Variants in NGF observed in about 807,000 individuals in gnomAD.
The protein encoded by NGF is nerve growth factor.
Under a neutral mutation model 12.8 loss-of-function variants are expected in NGF, and 4 were observed. The ratio of observed to expected loss-of-function variants is 0.31; its 90% CI spans 0.15 to 0.72. NGF has a LOEUF of 0.72. Among genes scored for constraint, NGF ranks in the 30% least tolerant of loss-of-function variants. The probability of loss-of-function intolerance (pLI) is 0.69; values close to 1 mark genes in which losing one functional copy is unlikely to be tolerated. For missense variants in NGF, 283 were observed against 330.8 expected, an observed-to-expected ratio of 0.86 and a Z score of 1.12; for synonymous variants, 140 against 130.0, an observed-to-expected ratio of 1.08 and a Z score of -0.52.
At position 115,286,701 on chromosome 1, in the gene NGF, A is replaced by G; in HGVS notation, c.95T>C (p.Ile32Thr). The G allele has an allele frequency of 6.2e-7, 1 of 1,613,994 alleles. No homozygotes were observed. The highest frequency in any genetic ancestry group is 1.7e-5 in the Admixed American group (1 of 60,014). ...SESNVPAGHT[I>T]PQAHWTKLQH... ...AAGTTTAGTCCAGTGGGCTTGGGGG[A>G]TGGTGTGTCCTGCAGGGACATTGCT... Residue 32 changes from isoleucine (I) to threonine (T), a missense_variant, in exon 3 of 3, where the codon ATC becomes ACC. By Grantham distance (89) the Ile-to-Thr change is moderately conservative. Around this residue, in one of 2 missense-constraint regions of NGF, gnomAD observed 151 missense variants for 141.6 expected, o/e 1.07. Transcript: ENST00000369512.
intron 1 of NGF, among the ~76,000 whole-genome samples, chr1:115,330,444 G>A (rs896447865): frequency 8.5e-5 from 13 of 152,170 alleles, no homozygotes; most frequent in African/African-American, 3.1e-4. Context: ...ACAATAAATG[G>A]TAAAAGAAAA....
rs189590906 is a variant in NGF, at chr1:115,320,861, G to C, written c.-137+17343C>G. ...GCTACTTTCTGCTGTGTGATTATCCGTAGTGTGGCCAATTCCAGGTTAGAA... is the reference window on the plus strand; with the variant it reads ...GCTACTTTCTGCTGTGTGATTATCCCTAGTGTGGCCAATTCCAGGTTAGAA... On this transcript the variant is annotated intron_variant, in intron 1 of 2. Transcript: ENST00000369512. Among the ~76,000 whole-genome samples, 5 of 152,330 alleles carry C rather than the reference G, an allele frequency of 3.3e-5. No homozygotes were observed. The South Asian group carries it at 6.2e-4, about 19-fold the overall frequency.
intron 1 of NGF, among the ~76,000 whole-genome samples, chr1:115,303,812 T>A (rs78216935): frequency 0.014 from 2,165 of 152,276 alleles, 52 homozygotes; most frequent in African/African-American, 0.049. Flanking sequence ...ATCAGTAGAA[T>A]CACCAGAGGC....
chr1:115,338,181 C>G (rs1157767768), intron 1 of NGF, 23 bp downstream of exon 1: 3 of 152,598 alleles, frequency 2.0e-5, no homozygotes, highest in African/African-American at 7.2e-5. Flanking sequence ...CTCTCGGGAT[C>G]GGCTCGGGGC....
chr1:115,334,519 ACTGAGGTCC>A (rs1262784748), intron 1 of NGF, among the ~76,000 whole-genome samples: 3 of 152,106 alleles, frequency 2.0e-5, no homozygotes, highest in Admixed American at 6.5e-5. Context: ...GGACTACAGC[ACTGAGGTCC>A]CTGCCGATGG....
intron 1 of NGF, among the ~76,000 whole-genome samples, chr1:115,299,112 T>A (rs532470627): frequency 2.6e-5 from 4 of 152,350 alleles, no homozygotes; most frequent in Admixed American, 2.6e-4. Context: ...TGATTTGATG[T>A]GTTTAACTAT....
chr1:115,314,915 G>A (rs570985499), intron 1 of NGF, among the ~76,000 whole-genome samples: 1 of 152,330 alleles, frequency 6.6e-6, no homozygotes, highest in South Asian at 2.1e-4. Flanking sequence ...TATAAGTTGA[G>A]GCGCTAGTTT....
intron 1 of NGF, among the ~76,000 whole-genome samples, chr1:115,337,531 A>G (rs1655165003): frequency 1.3e-5 from 2 of 151,274 alleles, no homozygotes; most frequent in Non-Finnish European, 2.9e-5. Context: ...GGCGACCTCT[A>G]CCTGAGGTTG....
At chr1:115,337,314 G>GTTTGTAA (rs1655156208) in intron 1 of NGF, among the ~76,000 whole-genome samples, 1 of 87,484 alleles carries the variant, frequency 1.1e-5, no homozygotes, top group Non-Finnish European at 2.1e-5. Flanking sequence ...TTAGAAGGAG[G>GTTTGTAA]TTTGTAATTA....
At chr1:115,323,551 A>G (rs1557946079) in intron 1 of NGF, among the ~76,000 whole-genome samples, 1 of 152,220 alleles carries the variant, frequency 6.6e-6, no homozygotes, top group East Asian at 1.9e-4. Context: ...CCAGGCAGCT[A>G]TGAGACTACA....
At chr1:115,305,841 T>C (rs930039987) in intron 1 of NGF, among the ~76,000 whole-genome samples, 2 of 152,232 alleles carry the variant, frequency 1.3e-5, no homozygotes, top group East Asian at 3.9e-4. Flanking sequence ...GACTTACTCT[T>C]AATTCTGAGA....
At position 115,304,019 on chromosome 1, in the gene NGF, TTTTTC is replaced by T. The variant is rs201056042; in HGVS notation, c.-136-10274_-136-10270del. Among the ~76,000 whole-genome samples the T allele has an allele frequency of 6.8e-3, 1,035 of 152,264 alleles. 12 individuals carry two copies. Among genetic ancestry groups the T allele is most frequent in the African/African-American group, 0.024 (1,000 of 41,540 alleles). On this transcript the variant is annotated intron_variant, in intron 1 of 2. Transcript: ENST00000369512. ...TTTTTTTCCTTTCTTTCTCCTGAGA[TTTTTC>T]TTTTCTTTTGTCAGCTTTGTGTTTC...
intron 2 of NGF, among the ~76,000 whole-genome samples, chr1:115,288,251 A>T (rs187097292): frequency 5.3e-4 from 81 of 152,294 alleles, no homozygotes; most frequent in Non-Finnish European, 8.4e-4. Context: ...AATCAGTGTA[A>T]TGACAAGAAC....
intron 1 of NGF, among the ~76,000 whole-genome samples, chr1:115,317,585 T>A (rs934655085): frequency 1.3e-5 from 2 of 152,218 alleles, no homozygotes; most frequent in Non-Finnish European, 2.9e-5. Context: ...AAGGAAACAA[T>A]GCCACTGTGT....
chr1:115,333,899 C>T (rs1655033053), intron 1 of NGF, among the ~76,000 whole-genome samples: 1 of 150,408 alleles, frequency 6.6e-6, no homozygotes, highest in Non-Finnish European at 1.5e-5. Flanking sequence ...TCTGCAGTTC[C>T]TTTTCACTCC....
At chr1:115,331,143 C>T (rs886758936) in intron 1 of NGF, among the ~76,000 whole-genome samples, 1 of 152,290 alleles carries the variant, frequency 6.6e-6, no homozygotes, top group Admixed American at 6.5e-5. Context: ...TGGCTATATT[C>T]CAGACTCTGA....
rs563655053 is a variant in NGF, at chr1:115,289,372, C to T, written c.-12-2565G>A. Among the ~76,000 whole-genome samples, 23 of 152,232 alleles carry T rather than the reference C, an allele frequency of 1.5e-4. No individual in the cohort carries two copies. The South Asian group carries it at 3.3e-3, about 22-fold the overall frequency. On this transcript the variant is annotated intron_variant, in intron 2 of 2. Transcript: ENST00000369512. ...TGAAATTAACTAAATAAAAGGGTTT[C>T]GATGGACATAAGGGACATACCTCTC...
intron 1 of NGF, among the ~76,000 whole-genome samples, chr1:115,308,635 C>T (rs950669367): frequency 6.6e-6 from 1 of 151,842 alleles, no homozygotes; most frequent in Non-Finnish European, 1.5e-5. Flanking sequence ...CTGTCATGGC[C>T]TTTTGTTATA....
intron 1 of NGF, among the ~76,000 whole-genome samples, chr1:115,337,268 T>TTTGTTTG (rs1557950789): frequency 2.9e-5 from 1 of 34,222 alleles, no homozygotes; most frequent in African/African-American, 1.2e-4. Context: ...TTTGTTTTTG[T>TTTGTTTG]TTTTTTTTTT....
Sources: allele counts gnomAD v4.1 joint callset (sites outside exome capture counted in the v4.1 genomes callset), GRCh38; gene constraint gnomAD v4.1.1; regional missense constraint gnomAD v4.1.1; transcripts MANE v1.5; gene names NCBI Gene and HGNC (gene_info 2026-07-23, HGNC 2026-07-21).